Variants in CDH20 observed in about 807,000 individuals in gnomAD.
CDH20 encodes the protein cadherin-20.
CDH20 carries 29 observed loss-of-function variants against 74.2 expected under a neutral mutation model. The ratio of observed to expected loss-of-function variants is 0.39; its 90% CI spans 0.29 to 0.53. The LOEUF (loss-of-function observed/expected upper bound fraction) is 0.53. Ranked by LOEUF, CDH20 falls within the 20% of genes least tolerant of loss-of-function variation. CDH20 has a pLI of 0.69. For missense variants in CDH20, 988 were observed against 1,048.3 expected (o/e 0.94, Z 0.79); for synonymous variants, 469 against 405.4 (o/e 1.16, Z -1.88).
intron 1 of CDH20, among the ~76,000 whole-genome samples, chr18:61,403,920 T>C (rs1912240144): frequency 1.3e-5 from 2 of 152,246 alleles, no homozygotes; most frequent in African/African-American, 2.4e-5. Flanking sequence ...GATGAGATCA[T>C]GTCCTTTGCA....
chr18:61,514,413 C>T (rs1190214149), intron 6 of CDH20, among the ~76,000 whole-genome samples: 1 of 152,104 alleles, frequency 6.6e-6, no homozygotes, highest in Non-Finnish European at 1.5e-5. Flanking sequence ...AAATTTTTTT[C>T]AAAGTTTTCT....
intron 1 of CDH20, among the ~76,000 whole-genome samples, chr18:61,365,562 A>G (rs977284786): frequency 6.6e-6 from 1 of 152,028 alleles, no homozygotes; most frequent in African/African-American, 2.4e-5. Context: ...GGTTTTTTAA[A>G]CTCACTTCTG....
intron 1 of CDH20, among the ~76,000 whole-genome samples, chr18:61,448,456 T>C (rs1909271776): frequency 6.6e-6 from 1 of 152,190 alleles, no homozygotes; most frequent in Non-Finnish European, 1.5e-5. Flanking sequence ...CACCAGGTGA[T>C]ATAGAAAGTG....
At chr18:61,543,545 T>TAA (rs1913116556) in intron 9 of CDH20, among the ~76,000 whole-genome samples, 1 of 152,130 alleles carries the variant, frequency 6.6e-6, no homozygotes, top group African/African-American at 2.4e-5. Flanking sequence ...TCATGCAACT[T>TAA]ACTCCTTTGA....
intron 1 of CDH20, among the ~76,000 whole-genome samples, chr18:61,431,442 TTTAA>T (rs1343082519): frequency 6.6e-6 from 1 of 152,184 alleles, no homozygotes; most frequent in African/African-American, 2.4e-5. Flanking sequence ...CATTAACTAA[TTTAA>T]TTAAGTCCAT....
At chr18:61,334,903 T>C (rs1373078974) in intron 1 of CDH20, among the ~76,000 whole-genome samples, 1 of 152,102 alleles carries the variant, frequency 6.6e-6, no homozygotes, top group Non-Finnish European at 1.5e-5. Flanking sequence ...ATAAATCGCC[T>C]GCAAATTGAA....
intron 2 of CDH20, among the ~76,000 whole-genome samples, chr18:61,491,150 CAG>C (rs1329340277): frequency 2.6e-5 from 4 of 152,062 alleles, no homozygotes; most frequent in Non-Finnish European, 5.9e-5. Context: ...AAGAAGAGTA[CAG>C]AGTTTTTTGC....
At chr18:61,516,252 A>G (rs958182959) in intron 6 of CDH20, among the ~76,000 whole-genome samples, 30 of 152,318 alleles carry the variant, frequency 2.0e-4, no homozygotes, top group African/African-American at 6.3e-4. Flanking sequence ...ACATTGGGAA[A>G]CTTTTTGCAC....
intron 1 of CDH20, among the ~76,000 whole-genome samples, chr18:61,375,941 T>G (rs1911212820): frequency 6.6e-6 from 1 of 152,172 alleles, no homozygotes; most frequent in South Asian, 2.1e-4. Context: ...GACTTAATTA[T>G]TTAAGTTTTA....
chr18:61,518,217 C>T (rs1303103399), intron 6 of CDH20, among the ~76,000 whole-genome samples: 2 of 152,210 alleles, frequency 1.3e-5, no homozygotes, highest in African/African-American at 2.4e-5. Context: ...AATGCTCCTG[C>T]CTGCCAGCTC....
intron 1 of CDH20, chr18:61,391,596 T>C (rs1911782633): frequency 6.6e-6 from 1 of 152,244 alleles, no homozygotes; most frequent in Admixed American, 6.6e-5. Flanking sequence ...CAGACCACAG[T>C]GCTCGCTTCA....
chr18:61,467,085 T>C (rs1448238727), intron 1 of CDH20, among the ~76,000 whole-genome samples: 1 of 152,168 alleles, frequency 6.6e-6, no homozygotes. Flanking sequence ...AGGTCAGTTC[T>C]AAGACAGAAA....
At chr18:61,413,889 T>C (rs12971102) in intron 1 of CDH20, among the ~76,000 whole-genome samples, 5,222 of 152,238 alleles carry the variant, frequency 0.034, 137 homozygotes, top group Non-Finnish European at 0.054. Context: ...CAGTTTATTG[T>C]GCAAATTCCA....
At chr18:61,404,871 G>T in intron 1 of CDH20, 1 of 523,370 alleles carries the variant, frequency 1.9e-6, no homozygotes, top group East Asian at 3.9e-5. Context: ...TTTTTCACCA[G>T]TCTGTTCTGG....
chr18:61,469,983 T>C (rs1212827156), intron 1 of CDH20, among the ~76,000 whole-genome samples: 3 of 152,216 alleles, frequency 2.0e-5, no homozygotes, highest in Non-Finnish European at 4.4e-5. Context: ...TCAGATTTCT[T>C]ACCAAAGACC....
At chr18:61,472,290 T>A (rs1392527373) in intron 1 of CDH20, among the ~76,000 whole-genome samples, 1 of 151,604 alleles carries the variant, frequency 6.6e-6, no homozygotes, top group Admixed American at 6.6e-5. Context: ...GGGTCTTACT[T>A]CCCCCCGAGA....
rs1342635079 is a variant in CDH20, at chr18:61,399,181, A to T, written c.-153+65354A>T. On this transcript the variant is annotated intron_variant, in intron 1 of 11. Transcript: ENST00000262717. Reference sequence around the variant, plus strand: ...TCCGATCCTGACTGCATAGTCATTCATTGCTAATTCACATTGGGTTTTCAG... The same window carrying T: ...TCCGATCCTGACTGCATAGTCATTCTTTGCTAATTCACATTGGGTTTTCAG... 6.8e-5 allele frequency among the ~76,000 whole-genome samples: 9 copies of T among 132,924 alleles called. No homozygotes were observed. The South Asian group carries it at 2.2e-3, about 32-fold the overall frequency. The allele number at this position is 132,924 out of a possible 152,430, so 87.2% of individuals were successfully genotyped here. A position where few individuals can be genotyped will look rare whatever the true frequency, so the allele number is the denominator to read the frequency against.
intron 6 of CDH20, among the ~76,000 whole-genome samples, chr18:61,508,622 C>CTATTATTAT (rs56980561): frequency 1.3e-5 from 2 of 151,636 alleles, no homozygotes; most frequent in African/African-American, 2.4e-5. Flanking sequence ...AGATTGGAGA[C>CTATTATTAT]TATTATTATT....
At chr18:61,509,827 A>T (rs928326239) in intron 6 of CDH20, among the ~76,000 whole-genome samples, 1 of 152,144 alleles carries the variant, frequency 6.6e-6, no homozygotes, top group Admixed American at 6.5e-5. Context: ...TGGAGGTGAT[A>T]AGAAGTGGTC....
Sources: gnomAD v4.1 joint callset for allele counts (sites outside exome capture counted in the v4.1 genomes callset) on GRCh38, gnomAD v4.1.1 for gene constraint, MANE v1.5 for transcripts, NCBI Gene and HGNC (gene_info 2026-07-23, HGNC 2026-07-21) for gene names.